Variants in DTL observed in about 807,000 individuals in gnomAD.
The protein encoded by DTL is denticleless protein homolog.
In DTL, 46 loss-of-function variants were observed where a neutral mutation model predicts 87.0. The ratio of observed to expected loss-of-function variants is 0.53; its 90% CI spans 0.42 to 0.68. The LOEUF is 0.68. Ranked by LOEUF, DTL falls within the 30% of genes least tolerant of loss-of-function variation. DTL has a pLI of 0.00. For missense variants in DTL, 737 were observed against 869.4 expected, an observed-to-expected ratio of 0.85 and a Z score of 1.91; for synonymous variants, 308 against 311.2, an observed-to-expected ratio of 0.99 and a Z score of 0.11.
intron 5 of DTL, among the ~76,000 whole-genome samples, chr1:212,061,952 G>T (rs937217504): frequency 8.5e-5 from 13 of 152,106 alleles, no homozygotes; most frequent in Non-Finnish European, 1.8e-4. Context: ...CCTGACTATT[G>T]TCACCTTACA....
intron 5 of DTL, among the ~76,000 whole-genome samples, chr1:212,048,245 A>G (rs573577487): frequency 1.4e-4 from 21 of 152,168 alleles, no homozygotes; most frequent in African/African-American, 4.6e-4. Flanking sequence ...GCTGGAGTGC[A>G]GAGGCTCGAT....
intron 7 of DTL, 144 bp downstream of exon 7, chr1:212,065,173 G>T: frequency 9.0e-6 from 5 of 556,004 alleles, no homozygotes; most frequent in Admixed American, 3.4e-5. Flanking sequence ...CTACATTTGT[G>T]GTTCTCAAAT....
chr1:212,059,854 C>A (rs922659659), intron 5 of DTL, among the ~76,000 whole-genome samples: 3 of 124,910 alleles, frequency 2.4e-5, no homozygotes, highest in Non-Finnish European at 5.3e-5. Flanking sequence ...AATCAACATA[C>A]AAAAAAAATA....
Position 212,082,193 on chromosome 1 carries a change from T to G in DTL, c.1261+1443T>G, listed in dbSNP as rs966970900. 6.6e-5 allele frequency among the ~76,000 whole-genome samples: 10 copies of G among 152,096 alleles called. No individual in the cohort carries two copies. In the East Asian group the frequency reaches 1.9e-3, roughly 29 times the overall value. On this transcript the variant is annotated intron_variant, in intron 13 of 14. Coordinates refer to ENST00000366991, the MANE Select transcript of DTL (RefSeq NM_016448.4). ...GATGTTTCTGGTATACCAAATAAGGTGAGGCCTAAAAACTGACCAATGGAT... is the reference window on the plus strand; with the variant it reads ...GATGTTTCTGGTATACCAAATAAGGGGAGGCCTAAAAACTGACCAATGGAT...
intron 5 of DTL, among the ~76,000 whole-genome samples, chr1:212,058,316 T>C: frequency 6.6e-6 from 1 of 152,092 alleles, no homozygotes; most frequent in Admixed American, 6.6e-5. Context: ...ACAAAACAAG[T>C]CTCAACACAT....
chr1:212,086,109 A>T (rs1655122368), intron 13 of DTL, among the ~76,000 whole-genome samples: 1 of 152,086 alleles, frequency 6.6e-6, no homozygotes, highest in Non-Finnish European at 1.5e-5. Flanking sequence ...GGTCTCTTTT[A>T]TACAAATTTT....
chr1:212,048,048 G>C (rs1025569631), intron 5 of DTL, among the ~76,000 whole-genome samples: 2 of 152,096 alleles, frequency 1.3e-5, no homozygotes, highest in African/African-American at 4.8e-5. Flanking sequence ...CTTGTACTGG[G>C]CACTCATTAA....
chr1:212,095,356 G>A (rs1480819235), intron 13 of DTL, among the ~76,000 whole-genome samples: 1 of 152,108 alleles, frequency 6.6e-6, no homozygotes, highest in Non-Finnish European at 1.5e-5. Context: ...GTGATCATGT[G>A]TTTTCGTTTG....
intron 13 of DTL, among the ~76,000 whole-genome samples, chr1:212,093,611 T>TGGCCTGCC (rs955443452): frequency 3.3e-5 from 5 of 152,240 alleles, no homozygotes; most frequent in African/African-American, 1.2e-4. Flanking sequence ...GATGCCCTGC[T>TGGCCTGCC]GGCCTGCCGG....
intron 5 of DTL, 125 bp from the exon 6 acceptor site, chr1:212,062,759 G>T: frequency 3.1e-6 from 2 of 654,842 alleles, no homozygotes; most frequent in Non-Finnish European, 5.3e-6. Flanking sequence ...ATTTTTAAAT[G>T]TTTGATCTCC....
At chr1:212,061,498 CAA>C (rs150226369) in intron 5 of DTL, among the ~76,000 whole-genome samples, 4 of 144,010 alleles carry the variant, frequency 2.8e-5, no homozygotes, top group Non-Finnish European at 4.5e-5. Flanking sequence ...TAAGATTTCT[CAA>C]AAAAAAAAAA....
At chr1:212,085,457 G>A (rs917863575) in intron 13 of DTL, among the ~76,000 whole-genome samples, 1 of 152,166 alleles carries the variant, frequency 6.6e-6, no homozygotes, top group African/African-American at 2.4e-5. Flanking sequence ...TTGGTGAAAT[G>A]TCTATGCAGA....
intron 5 of DTL, among the ~76,000 whole-genome samples, chr1:212,048,512 T>G (rs1332161285): frequency 1.3e-5 from 2 of 152,228 alleles, no homozygotes; most frequent in African/African-American, 2.4e-5. Context: ...TTTTCTATTA[T>G]GTTTTCAACT....
chr1:212,087,924 C>A (rs1024382279), intron 13 of DTL, among the ~76,000 whole-genome samples: 1 of 152,134 alleles, frequency 6.6e-6, no homozygotes, highest in Non-Finnish European at 1.5e-5. Context: ...TAAGACATAG[C>A]CTCTTTTTCT....
In DTL at chr1:212,068,702, A is replaced by G; in HGVS notation, c.921A>G (p.Pro307=). The change falls in exon 10 of 15, where the codon CCA becomes CCG. Residue 307 remains proline (P), a splice_region_variant and synonymous_variant. Transcript: ENST00000366991. ...ATATGACTGGGTTGAAGACTTCTCC[A>G]GGTAAGATATTAGTCATTCAAATTC... is the stretch of plus-strand genomic sequence containing the variant. ...MFNMTGLKTS[P]VAIFNGHQNS... 6.3e-7 allele frequency: 1 copy of G among 1,581,972 alleles called. No individual in the cohort carries two copies. The highest frequency in any genetic ancestry group is 8.7e-7 in the Non-Finnish European group (1 of 1,152,850).
intron 12 of DTL, among the ~76,000 whole-genome samples, chr1:212,080,030 A>G (rs144834793): frequency 6.6e-6 from 1 of 152,318 alleles, no homozygotes; most frequent in African/African-American, 2.4e-5. Flanking sequence ...TTAAAGGGAC[A>G]AAGGTTATTT....
At chr1:212,084,958 A>G (rs1012086699) in intron 13 of DTL, among the ~76,000 whole-genome samples, 5 of 152,192 alleles carry the variant, frequency 3.3e-5, no homozygotes, top group African/African-American at 1.2e-4. Flanking sequence ...CCTATAACCT[A>G]TGTACATTTT....
chr1:212,102,748 T>C (rs1474708568), intron 14 of DTL, 94 bp from the exon 15 acceptor site: 13 of 830,068 alleles, frequency 1.6e-5, no homozygotes. Flanking sequence ...AACAATGAAA[T>C]TTCTGGCAGC....
chr1:212,069,958 G>C (rs1654622512), intron 10 of DTL, among the ~76,000 whole-genome samples: 1 of 152,154 alleles, frequency 6.6e-6, no homozygotes, highest in African/African-American at 2.4e-5. Context: ...CTGATACTTT[G>C]CACTGGGTCT....
Sources: allele counts gnomAD v4.1 joint callset (sites outside exome capture counted in the v4.1 genomes callset), GRCh38; gene constraint gnomAD v4.1.1; transcripts MANE v1.5; gene names NCBI Gene and HGNC (gene_info 2026-07-23, HGNC 2026-07-21).